The following ITGA10 variants were observed in gnomAD, a reference collection of about 807,000 sequenced individuals.
ITGA10 encodes the protein integrin alpha-10.
Under a neutral mutation model 145.2 loss-of-function variants are expected in ITGA10, and 105 were observed. The observed-to-expected ratio is 0.72, with a 90% confidence interval of 0.62 to 0.85. The LOEUF (loss-of-function observed/expected upper bound fraction) is 0.85. Ranked by LOEUF, ITGA10 falls within the 40% of genes least tolerant of loss-of-function variation. The probability of loss-of-function intolerance (pLI) is 0.00; values close to 1 mark genes in which losing one functional copy is unlikely to be tolerated. For missense variants in ITGA10, 1,317 were observed against 1,444.5 expected, an observed-to-expected ratio of 0.91 and a Z score of 1.43; for synonymous variants, 506 against 557.8, an observed-to-expected ratio of 0.91 and a Z score of 1.31.
At position 145,893,172 on chromosome 1, in the gene ITGA10, A is replaced by G. The variant is rs201945506; in HGVS notation, c.3427T>C (p.Cys1143Arg). The change falls in exon 29 of 30, where the codon TGC (cysteine) becomes CGC (arginine). Residue 1143 changes from cysteine to arginine, a missense_variant. Cys to Arg is a radical substitution (Grantham distance 180). Coordinates refer to ENST00000369304, the MANE Select transcript of ITGA10 (RefSeq NM_003637.5). ...GLLLLALLVF[C>R]LWKLGFFAHK... ...AAAGCAGTGCTTACCTTCCACAGGC[A>G]GAAGACAAGGAGAGCAAGCAGGAGC... The G allele has an allele frequency of 5.6e-6, 9 of 1,611,252 alleles. No individual in the cohort carries two copies. In the Admixed American group the frequency reaches 1.0e-4, roughly 18 times the overall value.
At position 145,899,233 on chromosome 1, in the gene ITGA10, A is replaced by G. The variant is rs113368107; in HGVS notation, c.2031T>C (p.Thr677=). The G allele has an allele frequency of 1.9e-6, 3 of 1,614,256 alleles. No homozygotes were observed. The highest frequency in any genetic ancestry group is 1.1e-5 in the South Asian group (1 of 91,088). Residue 677 remains threonine, a synonymous_variant, in exon 16 of 30, where the codon ACT becomes ACC. Coordinates refer to ENST00000369304, the MANE Select transcript of ITGA10 (RefSeq NM_003637.5). ...RRRGQEAVCL[T]AALCFQVTSR... is the part of the protein sequence containing the mutation. ...AGGTCACTTGGAAGCAAAGGGCTGC[A>G]GTCAGACAGACTGCCTCTTGGCCTC...
At chr1:145,898,320 C>T (rs1419786811) in intron 17 of ITGA10, 97 bp from the exon 18 acceptor site, 1 of 651,224 alleles carries the variant, frequency 1.5e-6, no homozygotes, top group Non-Finnish European at 2.8e-6. Flanking sequence ...GGGCACTGTC[C>T]TAAGATCTTA....
rs1656299885 is a variant in ITGA10 at position 145,901,424 on chromosome 1, G to C, written c.1443+92C>G. 1 of 1,480,138 alleles carries C rather than the reference G, an allele frequency of 6.8e-7. No individual in the cohort carries two copies. Among genetic ancestry groups the C allele is most frequent in the Admixed American group, 2.2e-5 (1 of 44,958 alleles). The allele number at this position is 1,480,138 out of a possible 1,614,324, so 91.7% of individuals were successfully genotyped here. ...CCAACCAGAATTCCGCACAGACTTT[G>C]GAGGCCTCTCTCTTACCCACTTCAC... On this transcript the variant is annotated intron_variant, in intron 12 of 29. Coordinates refer to ENST00000369304, the MANE Select transcript of ITGA10 (RefSeq NM_003637.5). The surrounding 1 kb of genome is among the most constrained non-coding windows in gnomAD (Gnocchi z 4.3).
At chr1:145,907,179 C>T (rs1553751576) in intron 2 of ITGA10, 29 bp from the exon 3 acceptor site, 4 of 1,559,080 alleles carry the variant, frequency 2.6e-6, no homozygotes, top group Non-Finnish European at 3.5e-6. Flanking sequence ...TGTAAGTAAG[C>T]ACAGGGCAAA....
Position 145,897,577 on chromosome 1 carries a change from C to T in ITGA10, c.2509G>A (p.Ala837Thr), listed in dbSNP as rs1553745687. 6.8e-6 allele frequency: 11 copies of T among 1,614,166 alleles called. No homozygotes were observed. Among genetic ancestry groups the T allele is most frequent in the South Asian group, 1.1e-5 (1 of 91,084 alleles). Residue 837 changes from alanine to threonine, a missense_variant, in exon 20 of 30, where the codon GCT becomes ACT. Transcript: ENST00000369304. ...STTLENRKEN[A>T]YNTSLSLIFS... ...ATGAGACTCAGGCTCGTATTGTAAG[C>T]ATTTTCCTTTCTGTTCTCCAGAGTT...
chr1:145,900,205 A>G lies in ITGA10; in HGVS notation c.1792-18T>C, dbSNP rs1559200220. The G allele has an allele frequency of 1.2e-6, 2 of 1,605,558 alleles. No homozygotes were observed. The highest frequency in any genetic ancestry group is 2.2e-5 in the East Asian group (1 of 44,704). Reference sequence around the variant, plus strand: ...GCAATCCTCTGAGAGGAAGAGAGAGAATACTGAGGCAGGGACCCATACACC... The same window carrying G: ...GCAATCCTCTGAGAGGAAGAGAGAGGATACTGAGGCAGGGACCCATACACC... On this transcript the variant is annotated intron_variant, in intron 14 of 29. Transcript: ENST00000369304.
intron 1 of ITGA10, chr1:145,907,711 C>A: frequency 5.1e-6 from 2 of 391,532 alleles, no homozygotes; most frequent in Non-Finnish European, 6.9e-6. Flanking sequence ...TATTTCCATT[C>A]CCACCCCTGA....
intron 1 of ITGA10, among the ~76,000 whole-genome samples, chr1:145,908,956 C>A (rs587724212): frequency 7.2e-5 from 11 of 152,162 alleles, no homozygotes; most frequent in African/African-American, 2.6e-4. Context: ...CATCACATTT[C>A]TTTTTTGTCT....
At chr1:145,898,400 G>A (rs919079002) in intron 17 of ITGA10, among the ~76,000 whole-genome samples, 177 bp from the exon 18 acceptor site, 7 of 151,802 alleles carry the variant, frequency 4.6e-5, no homozygotes, top group Admixed American at 1.3e-4. Context: ...ACAGAGTCTC[G>A]CTCTGTCGCC....
At chr1:145,904,378 C>T (rs1656817348) in intron 6 of ITGA10, among the ~76,000 whole-genome samples, 178 bp from the exon 7 acceptor site, 1 of 151,978 alleles carries the variant, frequency 6.6e-6, no homozygotes, top group African/African-American at 2.4e-5. Flanking sequence ...GCCTTTCTCT[C>T]TCTCTCTAAG....
At position 145,895,375 on chromosome 1, in the gene ITGA10, A is replaced by C; in HGVS notation, c.3133T>G (p.Cys1045Gly). 6.2e-7 allele frequency: 1 copy of C among 1,613,656 alleles called. No individual in the cohort carries two copies. The highest frequency in any genetic ancestry group is 8.5e-7 in the Non-Finnish European group (1 of 1,179,582). Residue 1045 changes from cysteine (C) to glycine (G), a missense_variant, in exon 27 of 30, where the codon TGT (cysteine) becomes GGT (glycine). Physicochemically the swap from Cys to Gly is radical, Grantham distance 159. Coordinates refer to ENST00000369304, the MANE Select transcript of ITGA10 (RefSeq NM_003637.5). The part of the protein sequence containing the change: ...TNRLNGSNTQ[C>G]QVVRCHLGQL... ...CCAAGGTGGCACCTCACCACCTGAC[A>C]CTGAGTATTGCTCCCATTCTAACAG...
At position 145,892,837 on chromosome 1, in the gene ITGA10, G is replaced by C; in HGVS notation, c.3465C>G (p.Ile1155Met). 6.2e-7 allele frequency: 1 copy of C among 1,613,806 alleles called. No individual in the cohort carries two copies. The highest frequency in any genetic ancestry group is 1.1e-5 in the South Asian group (1 of 91,068). ...TCTCTTCTCTTTTTTCTTCCTCAGG[G>C]ATTTTCTTATGGGCAAAGAAGCCAA... ...WKLGFFAHKK[I>M]PEEEKREEKL... Residue 1155 changes from isoleucine (I) to methionine (M), a missense_variant, in exon 30 of 30, where the codon ATC becomes ATG. Ile to Met is a conservative substitution (Grantham distance 10). Transcript: ENST00000369304.
At position 145,897,852 on chromosome 1, in the gene ITGA10, G is replaced by A; in HGVS notation, c.2395C>T (p.Leu799=). Residue 799 remains leucine, a synonymous_variant, in exon 19 of 30, where the codon CTG becomes TTG. Transcript: ENST00000369304. ...CGPDNECVTD[L]VLQVNMDIRG... is the part of the protein sequence containing the mutation. The stretch of plus-strand genomic sequence containing the variant: ...ATGTCCATATTCACTTGAAGCACCA[G>A]GTCTGTGACACATTCATTGTCAGGG... 1 of 1,614,114 alleles carries A rather than the reference G, an allele frequency of 6.2e-7. No individual in the cohort carries two copies. The highest frequency in any genetic ancestry group is 8.5e-7 in the Non-Finnish European group (1 of 1,180,014).
chr1:145,902,923 T>C lies in ITGA10; in HGVS notation c.797A>G (p.Glu266Gly). The C allele has an allele frequency of 1.2e-6, 2 of 1,612,872 alleles. No homozygotes were observed. The highest frequency in any genetic ancestry group is 2.7e-5 in the African/African-American group (2 of 74,898). Reference protein sequence around the residue: ...GFSQSHGGRPEAARLLVVVTD... With the variant: ...GFSQSHGGRPGAARLLVVVTD... ...GACAACCACCAGTAGCCTGGCAGCC[T>C]CGGGTCGGCCCCCATGGGACTGACT... Residue 266 changes from glutamate (E) to glycine (G), a missense_variant, in exon 8 of 30, where the codon GAG (glutamate) becomes GGG (glycine). Transcript: ENST00000369304.
rs1655576660 is a variant in ITGA10, at chr1:145,897,398, C to A, written c.2575-59G>T. ...CTGGGGCTGCAACTGCTGTCCTACC[C>A]ACAGCCTCTAAACACTGAGCCTTTC... On this transcript the variant is annotated intron_variant, in intron 20 of 29. Transcript: ENST00000369304. The A allele has an allele frequency of 1.9e-6, 3 of 1,594,812 alleles. No individual in the cohort carries two copies. In the African/African-American group the frequency reaches 4.0e-5, roughly 21 times the overall value.
chr1:145,906,573 G>T, intron 4 of ITGA10, 65 bp from the exon 5 acceptor site: 1 of 1,439,690 alleles, frequency 6.9e-7, no homozygotes, highest in Non-Finnish European at 9.8e-7. Flanking sequence ...GCTCCCAGTT[G>T]AAGGAGGCAT....
intron 23 of ITGA10, among the ~76,000 whole-genome samples, chr1:145,896,553 A>G (rs1463691009): frequency 6.6e-6 from 1 of 152,210 alleles, no homozygotes; most frequent in African/African-American, 2.4e-5. Context: ...CCCTCATCCC[A>G]GCTCCAGTGC....
At chr1:145,893,051 T>A in intron 29 of ITGA10, 110 bp downstream of exon 29, 1 of 949,392 alleles carries the variant, frequency 1.1e-6, no homozygotes, top group Non-Finnish European at 1.7e-6. Context: ...GGGCATGACA[T>A]CCACAGCCTG....
intron 5 of ITGA10, 52 bp from the exon 6 acceptor site, chr1:145,904,863 G>A (rs1231691936): frequency 6.3e-7 from 1 of 1,588,032 alleles, no homozygotes; most frequent in Non-Finnish European, 8.6e-7. Flanking sequence ...GGGGCAACAA[G>A]GGAAAGAGGT....
Sources: gnomAD v4.1 joint callset for allele counts (sites outside exome capture counted in the v4.1 genomes callset) on GRCh38, gnomAD v4.1.1 for gene constraint, Gnocchi (gnomAD v3.1) non-coding constraint, MANE v1.5 for transcripts, NCBI Gene and HGNC (gene_info 2026-07-23, HGNC 2026-07-21) for gene names.